Variants in HOOK3 observed in about 807,000 individuals in gnomAD.
HOOK3 encodes hook microtubule tethering protein 3, also known as protein Hook homolog 3.
Under a neutral mutation model 116.3 loss-of-function variants are expected in HOOK3, and 24 were observed. The ratio of observed to expected loss-of-function variants is 0.21; its 90% CI spans 0.15 to 0.29. HOOK3 has a LOEUF of 0.29. Among genes scored for constraint, HOOK3 ranks in the 10% least tolerant of loss-of-function variants. The pLI is 1.00. For synonymous variants in HOOK3, 275 were observed against 283.0 expected, an observed-to-expected ratio of 0.97 and a Z score of 0.28; for missense variants, 632 against 830.2, an observed-to-expected ratio of 0.76 and a Z score of 2.93.
chr8:42,983,198 G>A (rs1808985749), intron 14 of HOOK3, among the ~76,000 whole-genome samples: 1 of 151,966 alleles, frequency 6.6e-6, no homozygotes, highest in African/African-American at 2.4e-5. Context: ...GCCATGTGTG[G>A]TGGCGGGTGC....
chr8:42,926,831 C>T (rs1050561436), intron 3 of HOOK3, among the ~76,000 whole-genome samples: 1 of 152,166 alleles, frequency 6.6e-6, no homozygotes, highest in African/African-American at 2.4e-5. Context: ...GTGTAACTAC[C>T]ACCACAGTGA....
intron 1 of HOOK3, among the ~76,000 whole-genome samples, chr8:42,899,833 T>C (rs1040997334): frequency 1.3e-5 from 2 of 152,240 alleles, no homozygotes; most frequent in Non-Finnish European, 2.9e-5. Context: ...CAGCCTTATG[T>C]ACTTCTAGAG....
chr8:42,999,052 G>A (rs1306657692), intron 16 of HOOK3, among the ~76,000 whole-genome samples: 2 of 152,154 alleles, frequency 1.3e-5, no homozygotes, highest in Non-Finnish European at 2.9e-5. Context: ...ATGGGAGTGA[G>A]GGAAGGGCAT....
chr8:42,964,521 G>C (rs1299883365), intron 9 of HOOK3, 47 bp downstream of exon 9: 3 of 1,568,076 alleles, frequency 1.9e-6, no homozygotes, highest in South Asian at 2.2e-5. Flanking sequence ...TTTGTTAGCT[G>C]TCATTTAAAG....
intron 11 of HOOK3, among the ~76,000 whole-genome samples, chr8:42,972,429 A>T (rs1355247838): frequency 6.6e-6 from 1 of 151,904 alleles, no homozygotes; most frequent in Non-Finnish European, 1.5e-5. Context: ...CTTTTTTTTT[A>T]AAGACAGGAT....
Position 42,925,560 on chromosome 8 carries a change from T to A in HOOK3, c.147T>A (p.Asp49Glu). Residue 49 changes from aspartate (D) to glutamate (E), a missense_variant, in exon 3 of 22, where the codon GAT becomes GAA. Asp to Glu is a conservative substitution (Grantham distance 45). Around this residue, in one of 3 missense-constraint regions of HOOK3, gnomAD observed 141 missense variants for 150.8 expected, o/e 0.93. Transcript: ENST00000307602. ...VVMAQVLQKI[D>E]PAYFDENWLN... ...TAAGCTTTTTCTTATTTTGCAGAGATCCTGCATATTTTGATGAAAATTGGC... is the reference window on the plus strand; with the variant it reads ...TAAGCTTTTTCTTATTTTGCAGAGAACCTGCATATTTTGATGAAAATTGGC... 6.3e-7 allele frequency: 1 copy of A among 1,594,818 alleles called. No individual in the cohort carries two copies. Among genetic ancestry groups the A allele is most frequent in the Non-Finnish European group, 8.6e-7 (1 of 1,167,744 alleles).
At chr8:43,005,199 C>CTCTATATATA (rs151178560) in intron 17 of HOOK3, among the ~76,000 whole-genome samples, 17 of 95,236 alleles carry the variant, frequency 1.8e-4, no homozygotes, top group Non-Finnish European at 2.8e-4. Context: ...CTCTCTCTCT[C>CTCTATATATA]TATATATATA....
rs528725059 is a variant in HOOK3, at chr8:42,909,264, C to G, written c.143+3006C>G. Among the ~76,000 whole-genome samples, 37 of 152,296 alleles carry G rather than the reference C, an allele frequency of 2.4e-4. 1 individual carries two copies. In the South Asian group the frequency reaches 3.9e-3, roughly 16 times the overall value. ...GTACAAAAAGCTAAAAATAGAATTA[C>G]CATATGATCCAGCAATCCCACTTTT... On this transcript the variant is annotated intron_variant, in intron 2 of 21. Transcript: ENST00000307602.
At chr8:42,992,531 C>T (rs920823946) in intron 15 of HOOK3, among the ~76,000 whole-genome samples, 6 of 150,282 alleles carry the variant, frequency 4.0e-5, no homozygotes, top group African/African-American at 1.5e-4. Flanking sequence ...TCCTGGCCAA[C>T]ATGGTGAAAC....
intron 11 of HOOK3, among the ~76,000 whole-genome samples, chr8:42,972,807 G>A (rs1404548091): frequency 6.6e-6 from 1 of 152,092 alleles, no homozygotes; most frequent in Non-Finnish European, 1.5e-5. Context: ...TTAGAGCCCA[G>A]GGTGGTTCAA....
intron 4 of HOOK3, among the ~76,000 whole-genome samples, chr8:42,938,698 T>TTTTATTTATTTATTTA (rs57325956): frequency 2.0e-5 from 3 of 149,712 alleles, no homozygotes; most frequent in African/African-American, 7.4e-5. Context: ...AATGCTTTTC[T>TTTTATTTATTTATTTA]TTTATTTATT....
In HOOK3 at chr8:42,985,980, A is replaced by G. The variant is rs1176196731; in HGVS notation, c.1392-675A>G. Reference sequence around the variant, plus strand: ...TTTGGTATCTGTTCATACTATCTTCATGGGGCCCTCTAAAGATGACCCTGT... The same window carrying G: ...TTTGGTATCTGTTCATACTATCTTCGTGGGGCCCTCTAAAGATGACCCTGT... On this transcript the variant is annotated intron_variant, in intron 14 of 21. Transcript: ENST00000307602. Among the ~76,000 whole-genome samples the G allele has an allele frequency of 2.6e-5, 4 of 152,216 alleles. No homozygotes were observed. The East Asian group carries it at 7.7e-4, about 29-fold the overall frequency.
intron 13 of HOOK3, among the ~76,000 whole-genome samples, chr8:42,982,364 G>T (rs1808968999): frequency 6.6e-6 from 1 of 151,334 alleles, no homozygotes; most frequent in African/African-American, 2.5e-5. Context: ...TTGTGATTTG[G>T]ATGATGAAAA....
At chr8:42,946,627 T>C (rs934190924) in intron 5 of HOOK3, among the ~76,000 whole-genome samples, 2 of 152,110 alleles carry the variant, frequency 1.3e-5, no homozygotes, top group African/African-American at 4.8e-5. Context: ...TGGTGTTCCA[T>C]GGTAAGTTTA....
At chr8:42,905,774 C>CA (rs113517967) in intron 1 of HOOK3, among the ~76,000 whole-genome samples, 6,235 of 121,846 alleles carry the variant, frequency 0.051, 151 homozygotes, top group African/African-American at 0.069. Context: ...AGATAATCAC[C>CA]AAAAAAAAAA....
At chr8:43,008,122 C>G (rs545220727) in intron 18 of HOOK3, among the ~76,000 whole-genome samples, 193 bp downstream of exon 18, 11 of 151,948 alleles carry the variant, frequency 7.2e-5, no homozygotes, top group African/African-American at 2.7e-4. Context: ...GGGTTCTTGC[C>G]ATTCTCCTGC....
intron 15 of HOOK3, among the ~76,000 whole-genome samples, chr8:42,988,685 G>A (rs543454339): frequency 5.3e-5 from 8 of 151,918 alleles, no homozygotes; most frequent in African/African-American, 1.9e-4. Context: ...ATTGTGCTGG[G>A]TGTCTTAAAT....
In HOOK3 at chr8:43,005,097, A is replaced by AGTGTTTAGT. The variant is rs1402624121; in HGVS notation, c.1656-2749_1656-2748insTGTTTAGTG. Among the ~76,000 whole-genome samples the AGTGTTTAGT allele has an allele frequency of 4.7e-3, 713 of 152,108 alleles. 10 individuals carry two copies. Among genetic ancestry groups the AGTGTTTAGT allele is most frequent in the African/African-American group, 0.016 (679 of 41,504 alleles). Reference sequence around the variant, plus strand: ...AATACATCAACACAGATGAACCTCAAGAACATAGTGTTTAGTGAAAGATGC... The same window carrying AGTGTTTAGT: ...AATACATCAACACAGATGAACCTCAAGTGTTTAGTGAACATAGTGTTTAGTGAAAGATGC... On this transcript the variant is annotated intron_variant, in intron 17 of 21. Transcript: ENST00000307602.
In HOOK3 at chr8:42,997,438, A is replaced by G. The variant is rs775082065; in HGVS notation, c.1533-112A>G. ...AGGCCACTACTATACTACTACTGCT[A>G]TAACATGAGACTTGATTTTGCTAAT... On this transcript the variant is annotated intron_variant, in intron 15 of 21. Transcript: ENST00000307602. The G allele has an allele frequency of 7.7e-6, 5 of 645,666 alleles. No individual in the cohort carries two copies. The Admixed American group carries it at 8.6e-5, about 11-fold the overall frequency. 40.0% of individuals were successfully genotyped at this position (645,666 alleles called of 1,614,324 possible). A position where few individuals can be genotyped will look rare whatever the true frequency, so the allele number is the denominator to read the frequency against.
Sources: gnomAD v4.1 joint callset for allele counts (sites outside exome capture counted in the v4.1 genomes callset) on GRCh38, gnomAD v4.1.1 for gene constraint, gnomAD v4.1.1 regional missense constraint, MANE v1.5 for transcripts, NCBI Gene and HGNC (gene_info 2026-07-23, HGNC 2026-07-21) for gene names.